The following CCNK variants were observed in gnomAD, a reference collection of about 807,000 sequenced individuals.
CCNK encodes the protein cyclin K, also known as cyclin-K.
Under a neutral mutation model 65.0 loss-of-function variants are expected in CCNK, and 9 were observed. The ratio of observed to expected loss-of-function variants is 0.14; its 90% confidence interval spans 0.08 to 0.24. The LOEUF is 0.24. Among genes scored for constraint, CCNK ranks in the 10% least tolerant of loss-of-function variants. The pLI, the probability that CCNK is intolerant of heterozygous loss-of-function variation, is 1.00. For synonymous variants in CCNK, 279 were observed against 270.8 expected (o/e 1.03, Z -0.30); for missense variants, 474 against 720.0 (o/e 0.66, Z 3.91).
At chr14:99,503,399 G>T in intron 8 of CCNK, 4 of 605,044 alleles carry the variant, frequency 6.6e-6, no homozygotes, top group South Asian at 6.0e-5. Flanking sequence ...TAGTCATTCT[G>T]TCTTATTTGG....
intron 2 of CCNK, chr14:99,493,138 C>G: frequency 4.3e-6 from 2 of 469,736 alleles, no homozygotes; most frequent in Non-Finnish European, 7.4e-6. Context: ...CACAGTGGCT[C>G]ATGCCTGTAA....
intron 8 of CCNK, 52 bp from the exon 9 acceptor site, chr14:99,503,559 C>T: frequency 6.9e-7 from 1 of 1,443,548 alleles, no homozygotes; most frequent in Non-Finnish European, 9.5e-7. Flanking sequence ...CCATTTTTTT[C>T]TCATCATACT....
intron 4 of CCNK, among the ~76,000 whole-genome samples, chr14:99,499,444 G>C (rs1185750102): frequency 2.0e-5 from 3 of 152,176 alleles, no homozygotes; most frequent in Non-Finnish European, 4.4e-5. Flanking sequence ...ATGTAATTTG[G>C]AATAATAATT....
Position 99,481,454 on chromosome 14 carries a change from G to C in CCNK, c.-78G>C. 1 of 398,732 alleles carries C rather than the reference G, an allele frequency of 2.5e-6. No homozygotes were observed. Among genetic ancestry groups the C allele is most frequent in the Admixed American group, 4.4e-5 (1 of 22,748 alleles). The allele number at this position is 398,732 out of a possible 1,614,324, so 24.7% of individuals were successfully genotyped here. The stretch of plus-strand genomic sequence containing the variant: ...GCCGCAGTCGGCAAGGAGAGACGTC[G>C]CTGAGGGGCTTGCCTGAAGCGAGGG... On this transcript the variant is annotated 5_prime_UTR_variant, in exon 1 of 11. Transcript: ENST00000389879.
At position 99,507,515 on chromosome 14, in the gene CCNK, A is replaced by G. The variant is rs149094179; in HGVS notation, c.1117+368A>G. On this transcript the variant is annotated intron_variant, in intron 10 of 10. Transcript: ENST00000389879. ...TGGGCAGTCAAGGCTGCAGTGAGCT[A>G]TGATTGCACCACCGTACTCCAGCCT... The G allele has an allele frequency of 1.8e-3, 405 of 222,030 alleles. 2 individuals are homozygous for G. The highest frequency in any genetic ancestry group is 8.8e-3 in the African/African-American group (389 of 44,198). 13.8% of individuals were successfully genotyped at this position (222,030 alleles called of 1,614,324 possible).
Position 99,501,426 on chromosome 14 carries a change from A to G in CCNK, c.575+13A>G. 6.5e-7 allele frequency: 1 copy of G among 1,537,652 alleles called. No individual in the cohort carries two copies. Among genetic ancestry groups the G allele is most frequent in the African/African-American group, 1.4e-5 (1 of 73,416 alleles). ...TTGTAAATGACAGGTATACATGTTC[A>G]AATGTTGATTAATTACAGTATTTTA... On this transcript the variant is annotated intron_variant, in intron 6 of 10. Coordinates refer to ENST00000389879, the MANE Select transcript of CCNK (RefSeq NM_001099402.2).
In CCNK at chr14:99,482,263, T is replaced by G. The variant is rs570133825; in HGVS notation, c.-53+784T>G. 3.3e-5 allele frequency among the ~76,000 whole-genome samples: 5 copies of G among 152,366 alleles called. No homozygotes were observed. In the South Asian group the frequency reaches 1.0e-3, roughly 32 times the overall value. ...TGTGTTTTTAAGAGAAACTTGGTGA[T>G]GTTTGTGTATCTCGATCTAAATCGC... On this transcript the variant is annotated intron_variant, in intron 1 of 10. Coordinates refer to ENST00000389879, the MANE Select transcript of CCNK (RefSeq NM_001099402.2).
intron 1 of CCNK, among the ~76,000 whole-genome samples, chr14:99,489,644 A>C (rs550863287): frequency 6.6e-6 from 1 of 152,390 alleles, no homozygotes; most frequent in South Asian, 2.1e-4. Flanking sequence ...ACTTGGAAGT[A>C]AGTTTCTGTG....
intron 4 of CCNK, among the ~76,000 whole-genome samples, chr14:99,497,385 C>T (rs745762588): frequency 2.6e-5 from 4 of 152,182 alleles, no homozygotes; most frequent in Non-Finnish European, 5.9e-5. Flanking sequence ...TAGTGGTGTG[C>T]ATTTAGATAG....
Position 99,502,934 on chromosome 14 carries a change from A to G in CCNK, c.961A>G (p.Lys321Glu), listed in dbSNP as rs1346574897. 2 of 1,613,854 alleles carry G rather than the reference A, an allele frequency of 1.2e-6. No homozygotes were observed. The highest frequency in any genetic ancestry group is 8.5e-7 in the Non-Finnish European group (1 of 1,179,852). ...AQQQQPAQQP[K>E]KPSPQPSSPR... Reference sequence around the variant, plus strand: ...GCAGCAGCAGCCAGCCCAACAGCCCAAGAAACCCTCTCCGCAGCCCAGTTC... The same window carrying G: ...GCAGCAGCAGCCAGCCCAACAGCCCGAGAAACCCTCTCCGCAGCCCAGTTC... Residue 321 changes from lysine to glutamate, a missense_variant, in exon 8 of 11, where the codon AAG becomes GAG. Physicochemically the swap from Lys to Glu is moderately conservative, Grantham distance 56. This residue lies in a region of CCNK where 229 missense variants were observed against 275.5 expected (regional missense o/e 0.83). Coordinates refer to ENST00000389879, the MANE Select transcript of CCNK (RefSeq NM_001099402.2).
intron 4 of CCNK, among the ~76,000 whole-genome samples, chr14:99,499,353 T>G (rs1244234974): frequency 2.0e-5 from 3 of 152,198 alleles, no homozygotes; most frequent in Non-Finnish European, 4.4e-5. Flanking sequence ...TTTTTTACAC[T>G]GTGTGAAAGT....
Position 99,492,794 on chromosome 14 carries a change from A to C in CCNK, c.117A>C (p.Glu39Asp). The C allele has an allele frequency of 6.2e-7, 1 of 1,613,438 alleles. No homozygotes were observed. Among genetic ancestry groups the C allele is most frequent in the Non-Finnish European group, 8.5e-7 (1 of 1,179,728 alleles). ...TGGCTCATACACCCTCACAACTTGA[A>C]GGACTTGATCCAGCCACCGAGGCCC... The part of the protein sequence containing the change: ...KDLAHTPSQL[E>D]GLDPATEARY... The change falls in exon 2 of 11, where the codon GAA (glutamate) becomes GAC (aspartate). Residue 39 changes from glutamate (E) to aspartate (D), a missense_variant. By Grantham distance (45) the Glu-to-Asp change is conservative. Around this residue, in one of 6 missense-constraint regions of CCNK, gnomAD observed 87 missense variants for 166.2 expected, o/e 0.52. Coordinates refer to ENST00000389879, the MANE Select transcript of CCNK (RefSeq NM_001099402.2).
In CCNK at chr14:99,510,725, T is replaced by C; in HGVS notation, c.1686T>C (p.Ile562=). The C allele has an allele frequency of 7.1e-7, 1 of 1,399,070 alleles. No individual in the cohort carries two copies. Among genetic ancestry groups the C allele is most frequent in the Non-Finnish European group, 9.3e-7 (1 of 1,074,286 alleles). The allele number at this position is 1,399,070 out of a possible 1,614,324, so 86.7% of individuals were successfully genotyped here. ...GACAGCCTCCTGTGCCCCCGCCCAT[T>C]CCCCCACCCGGCATGCCTCCAGTTG... ...PGGQPPVPPP[I]PPPGMPPVGG... is the part of the protein sequence containing the mutation. The change falls in exon 11 of 11, where the codon ATT becomes ATC. Residue 562 remains isoleucine, a synonymous_variant. Transcript: ENST00000389879.
intron 1 of CCNK, among the ~76,000 whole-genome samples, chr14:99,490,449 A>C (rs1012954967): frequency 1.3e-5 from 2 of 152,226 alleles, no homozygotes; most frequent in Non-Finnish European, 2.9e-5. Context: ...GGGTATAGAC[A>C]AAACTCATCT....
Position 99,495,636 on chromosome 14 carries a change from A to G in CCNK, c.411+7A>G. 6.3e-7 allele frequency: 1 copy of G among 1,599,980 alleles called. No homozygotes were observed. The highest frequency in any genetic ancestry group is 1.3e-5 in the African/African-American group (1 of 74,108). On this transcript the variant is annotated splice_region_variant and intron_variant, in intron 4 of 10. Transcript: ENST00000389879. Reference sequence around the variant, plus strand: ...GTTTGGAGATGACCCAAAGGTAAGAATGATAATAACTTCCTGCCTTCTGGT... The same window carrying G: ...GTTTGGAGATGACCCAAAGGTAAGAGTGATAATAACTTCCTGCCTTCTGGT...
At chr14:99,509,771 T>C (rs1413242917) in intron 10 of CCNK, 4 of 250,372 alleles carry the variant, frequency 1.6e-5, no homozygotes. Flanking sequence ...CAGACAGGAG[T>C]TCAGTGTGGC....
chr14:99,482,054 A>C (rs3918039), intron 1 of CCNK, among the ~76,000 whole-genome samples: 90 of 152,296 alleles, frequency 5.9e-4, no homozygotes, highest in Non-Finnish European at 1.2e-3. Context: ...TTGTTATGAG[A>C]GAAATTGTTC....
chr14:99,496,139 C>T (rs1230554433), intron 4 of CCNK, among the ~76,000 whole-genome samples: 2 of 152,178 alleles, frequency 1.3e-5, no homozygotes, highest in Non-Finnish European at 2.9e-5. Flanking sequence ...CAGCTCACGC[C>T]AGTGTCAGCA....
chr14:99,484,050 T>C (rs554889835), intron 1 of CCNK, among the ~76,000 whole-genome samples: 2 of 152,312 alleles, frequency 1.3e-5, no homozygotes, highest in South Asian at 2.1e-4. Context: ...AAATAAAAAA[T>C]AAATAAATTT....
Sources: gnomAD v4.1 joint callset for allele counts (sites outside exome capture counted in the v4.1 genomes callset) on GRCh38, gnomAD v4.1.1 for gene constraint, gnomAD v4.1.1 regional missense constraint, MANE v1.5 for transcripts, NCBI Gene and HGNC (gene_info 2026-07-23, HGNC 2026-07-21) for gene names.